GABBR2: variants seen among roughly 807,000 people sequenced by gnomAD.
GABBR2 encodes gamma-aminobutyric acid type B receptor subunit 2.
Under a neutral mutation model 105.6 loss-of-function variants are expected in GABBR2, and 23 were observed. That is an observed-to-expected ratio of 0.22 (90% CI 0.16 to 0.31). GABBR2 has a LOEUF of 0.31. GABBR2 is among the 10% of genes least tolerant of loss of function. The probability of loss-of-function intolerance (pLI) is 1.00; values close to 1 mark genes in which losing one functional copy is unlikely to be tolerated. For missense variants in GABBR2, 734 were observed against 1,245.5 expected (o/e 0.59, Z 6.18); for synonymous variants, 478 against 499.7 (o/e 0.96, Z 0.58).
chr9:98,569,576 T>C (rs1828798275), intron 2 of GABBR2, among the ~76,000 whole-genome samples: 1 of 152,188 alleles, frequency 6.6e-6, no homozygotes, highest in Non-Finnish European at 1.5e-5. Flanking sequence ...AGGTTTGCTA[T>C]TCCCATTTTA....
At chr9:98,320,555 A>G (rs941391520) in intron 13 of GABBR2, among the ~76,000 whole-genome samples, 4 of 152,174 alleles carry the variant, frequency 2.6e-5, no homozygotes, top group Middle Eastern at 3.2e-3. Context: ...ATTATTCACA[A>G]TAGCAAAGAC....
intron 1 of GABBR2, among the ~76,000 whole-genome samples, chr9:98,617,964 T>C (rs979873659): frequency 2.6e-5 from 4 of 152,202 alleles, no homozygotes; most frequent in Non-Finnish European, 4.4e-5. Context: ...TAAAATGGGA[T>C]GACATCTATC....
rs549921525 is a variant in GABBR2 at position 98,336,352 on chromosome 9, G to C, written c.1894-25147C>G. ...GGACCTGTAGCAAGGTAAGAAGTGT[G>C]GGTTTTATTTTAAATTGGAGAATTT... is the stretch of plus-strand genomic sequence containing the variant. On this transcript the variant is annotated intron_variant, in intron 13 of 18. Coordinates refer to ENST00000259455, the MANE Select transcript of GABBR2 (RefSeq NM_005458.8). Among the ~76,000 whole-genome samples the C allele has an allele frequency of 2.6e-5, 4 of 152,288 alleles. No individual in the cohort carries two copies. In the East Asian group the frequency reaches 7.7e-4, roughly 29 times the overall value.
intron 7 of GABBR2, among the ~76,000 whole-genome samples, chr9:98,413,931 A>G (rs1832637152): frequency 6.6e-6 from 1 of 152,250 alleles, no homozygotes; most frequent in Admixed American, 6.5e-5. Context: ...TCTAAGAAGT[A>G]CGGGAAAAGT....
At chr9:98,419,252 C>T (rs1832740630) in intron 7 of GABBR2, among the ~76,000 whole-genome samples, 1 of 152,172 alleles carries the variant, frequency 6.6e-6, no homozygotes, top group East Asian at 1.9e-4. Context: ...AAAGGGTATC[C>T]TGCTGGGAGG....
chr9:98,622,630 C>CA (rs1387064325), intron 1 of GABBR2, among the ~76,000 whole-genome samples: 5 of 152,208 alleles, frequency 3.3e-5, no homozygotes, highest in African/African-American at 1.2e-4. Flanking sequence ...CTCCTCAGCT[C>CA]AAAACCTTCC....
rs1209659708 is a variant in GABBR2 at position 98,289,975 on chromosome 9, C to T, written c.*609G>A. The stretch of plus-strand genomic sequence containing the variant: ...TCCCATGTGGAGCATGTAAGTCAGC[C>T]TGCTCCAGTGCCGCAGCCCTCGGCC... On this transcript the variant is annotated 3_prime_UTR_variant, in exon 19 of 19. Transcript: ENST00000259455. 2 of 152,464 alleles carry T rather than the reference C, an allele frequency of 1.3e-5. No individual in the cohort carries two copies. The highest frequency in any genetic ancestry group is 2.9e-5 in the Non-Finnish European group (2 of 68,168). 9.4% of individuals were successfully genotyped at this position (152,464 alleles called of 1,614,324 possible).
intron 1 of GABBR2, among the ~76,000 whole-genome samples, chr9:98,626,398 G>C (rs1036757922): frequency 9.9e-5 from 15 of 152,114 alleles, no homozygotes; most frequent in Admixed American, 9.8e-4. Flanking sequence ...TTGTATGTTA[G>C]GTGAATTAAA....
At chr9:98,418,831 C>T (rs185554501) in intron 7 of GABBR2, among the ~76,000 whole-genome samples, 2 of 152,310 alleles carry the variant, frequency 1.3e-5, no homozygotes, top group Non-Finnish European at 2.9e-5. Context: ...AGCTTTGTAG[C>T]TACAGCGCCA....
intron 1 of GABBR2, among the ~76,000 whole-genome samples, chr9:98,620,189 G>A (rs1252289061): frequency 6.6e-6 from 1 of 151,896 alleles, no homozygotes; most frequent in Non-Finnish European, 1.5e-5. Flanking sequence ...TGAAGGGATA[G>A]TACAATTAAT....
intron 1 of GABBR2, among the ~76,000 whole-genome samples, chr9:98,593,641 C>A (rs192490413): frequency 5.3e-5 from 8 of 152,244 alleles, no homozygotes; most frequent in Admixed American, 4.6e-4. Context: ...CAGCTGCCCA[C>A]GCTACCGACT....
intron 1 of GABBR2, among the ~76,000 whole-genome samples, chr9:98,649,950 T>C (rs894424434): frequency 2.6e-5 from 4 of 152,208 alleles, no homozygotes; most frequent in Non-Finnish European, 5.9e-5. Context: ...GCTATGTTAA[T>C]AAAATATCCT....
chr9:98,299,168 C>T (rs1830428167), intron 17 of GABBR2, 56 bp downstream of exon 17: 6 of 1,451,386 alleles, frequency 4.1e-6, no homozygotes, highest in Non-Finnish European at 5.8e-6. Flanking sequence ...GGAAGATGAA[C>T]AGCTGGTGTT....
intron 1 of GABBR2, among the ~76,000 whole-genome samples, chr9:98,656,426 A>C (rs1489525879): frequency 1.1e-5 from 1 of 88,086 alleles, no homozygotes; most frequent in African/African-American, 3.2e-5. Flanking sequence ...TTGCTGTCTT[A>C]TTATAAAAAG....
At chr9:98,690,800 T>A (rs1588284792) in intron 1 of GABBR2, among the ~76,000 whole-genome samples, 1 of 152,296 alleles carries the variant, frequency 6.6e-6, no homozygotes, top group African/African-American at 2.4e-5. Flanking sequence ...AGGGACCAAC[T>A]GTGTGTGCAC....
At chr9:98,416,302 G>T (rs956584800) in intron 7 of GABBR2, among the ~76,000 whole-genome samples, 1 of 152,204 alleles carries the variant, frequency 6.6e-6, no homozygotes, top group Non-Finnish European at 1.5e-5. Context: ...TGCACAACTG[G>T]GTGATAATCT....
At chr9:98,383,233 AC>A (rs1433025003) in intron 11 of GABBR2, among the ~76,000 whole-genome samples, 1 of 152,094 alleles carries the variant, frequency 6.6e-6, no homozygotes, top group Non-Finnish European at 1.5e-5. Context: ...GAGCCACTGC[AC>A]CTTGCCCCAG....
chr9:98,645,361 A>G (rs976735311), intron 1 of GABBR2, among the ~76,000 whole-genome samples: 2 of 152,164 alleles, frequency 1.3e-5, no homozygotes, highest in Non-Finnish European at 2.9e-5. Flanking sequence ...GAGGTTACTT[A>G]GCAAGCTGGT....
At position 98,370,001 on chromosome 9, in the gene GABBR2, C is replaced by T. The variant is rs143346130; in HGVS notation, c.1770+1463G>A. Among the ~76,000 whole-genome samples, 8 of 152,174 alleles carry T rather than the reference C, an allele frequency of 5.3e-5. No individual in the cohort carries two copies. The East Asian group carries it at 1.4e-3, about 26-fold the overall frequency. On this transcript the variant is annotated intron_variant, in intron 12 of 18. Transcript: ENST00000259455. ...AGGAGTCTTTGCAGCCTGGGGGACCCTGTGGACTGGTGTCCGACTCCTGCT... is the reference window on the plus strand; with the variant it reads ...AGGAGTCTTTGCAGCCTGGGGGACCTTGTGGACTGGTGTCCGACTCCTGCT...
Sources: allele counts gnomAD v4.1 joint callset (sites outside exome capture counted in the v4.1 genomes callset), GRCh38; gene constraint gnomAD v4.1.1; transcripts MANE v1.5; gene names NCBI Gene and HGNC (gene_info 2026-07-23, HGNC 2026-07-21).